The following NDST1 variants were observed in gnomAD, a reference collection of about 807,000 sequenced individuals.
NDST1 encodes bifunctional heparan sulfate N-deacetylase/N-sulfotransferase 1.
In NDST1, 35 loss-of-function variants were observed where a neutral mutation model predicts 92.8. The observed-to-expected ratio is 0.38, with a 90% CI of 0.29 to 0.50. NDST1 has a LOEUF of 0.50. Among genes scored for constraint, NDST1 ranks in the 20% least tolerant of loss-of-function variants. The pLI, the probability that NDST1 is intolerant of heterozygous loss-of-function variation, is 0.94. For synonymous variants in NDST1, 493 were observed against 500.3 expected (o/e 0.99, Z 0.19); for missense variants, 822 against 1,182.7 (o/e 0.69, Z 4.47).
intron 2 of NDST1, among the ~76,000 whole-genome samples, chr5:150,525,287 C>T (rs1429197329): frequency 6.6e-6 from 1 of 152,244 alleles, no homozygotes; most frequent in Non-Finnish European, 1.5e-5. Flanking sequence ...GGCTTCCTCC[C>T]TTCCTGGATG....
At chr5:150,529,261 G>T (rs2151280382) in intron 3 of NDST1, among the ~76,000 whole-genome samples, 1 of 151,968 alleles carries the variant, frequency 6.6e-6, no homozygotes, top group East Asian at 1.9e-4. Flanking sequence ...TGTGGTGGTA[G>T]TAGTCCTGTA....
At position 150,548,212 on chromosome 5, in the gene NDST1, C is replaced by T. The variant is rs1581409920; in HGVS notation, c.2146-6C>T. 3 of 1,614,174 alleles carry T rather than the reference C, an allele frequency of 1.9e-6. No individual in the cohort carries two copies. The highest frequency in any genetic ancestry group is 2.5e-6 in the Non-Finnish European group (3 of 1,180,018). Reference sequence around the variant, plus strand: ...TGGCATGCTGACCCTCTTTCCTTGCCTGCAGCACCAGCGAGCCCATGACGA... The same window carrying T: ...TGGCATGCTGACCCTCTTTCCTTGCTTGCAGCACCAGCGAGCCCATGACGA... On this transcript the variant is annotated splice_region_variant and splice_polypyrimidine_tract_variant and intron_variant, in intron 11 of 14. Transcript: ENST00000261797.
chr5:150,521,992 G>C lies in NDST1; in HGVS notation c.513+225G>C, dbSNP rs1272337591. Among the ~76,000 whole-genome samples the C allele has an allele frequency of 6.6e-6, 1 of 152,180 alleles. No homozygotes were observed. The highest frequency in any genetic ancestry group is 1.5e-5 in the Non-Finnish European group (1 of 68,026). ...GTGCCAGGGGGATCGCCTGCTGTGC[G>C]TGGGGTCCAGCACACAGCAGGTGCT... On this transcript the variant is annotated intron_variant, in intron 2 of 14. Transcript: ENST00000261797. The surrounding 1 kb of genome is among the most constrained non-coding windows in gnomAD (Gnocchi z 5.9).
rs542051795 is a variant in NDST1, at chr5:150,519,886, C to T, written c.-387-982C>T. Among the ~76,000 whole-genome samples the T allele has an allele frequency of 6.6e-5, 10 of 152,144 alleles. No homozygotes were observed. In the East Asian group the frequency reaches 1.9e-3, roughly 29 times the overall value. ...GTGAGATGAGTATAGGAGGCGTGGC[C>T]TGGGTGCAGGCGGTGCGGGGGGTTC... On this transcript the variant is annotated intron_variant, in intron 1 of 14. Transcript: ENST00000261797.
chr5:150,500,128 C>T (rs1753167489), intron 1 of NDST1, among the ~76,000 whole-genome samples: 1 of 152,230 alleles, frequency 6.6e-6, no homozygotes, highest in Non-Finnish European at 1.5e-5. Context: ...AAGATGTCTT[C>T]TCCTGGAAGA....
rs1755872607 is a variant in NDST1 at position 150,556,508 on chromosome 5, CAAT to C, written c.*3177_*3179del. 6.6e-6 allele frequency: 1 copy of C among 152,218 alleles called. No homozygotes were observed. Among genetic ancestry groups the C allele is most frequent in the South Asian group, 2.1e-4 (1 of 4,836 alleles). The allele number at this position is 152,218 out of a possible 1,614,324, so 9.4% of individuals were successfully genotyped here. On this transcript the variant is annotated 3_prime_UTR_variant, in exon 15 of 15. Coordinates refer to ENST00000261797, the MANE Select transcript of NDST1 (RefSeq NM_001543.5). ...TTGTTAGTGGGAAAAGCAAATACAA[CAAT>C]GTTTTACCAAACATTTAATTATGAA...
chr5:150,545,223 C>T, intron 10 of NDST1, 89 bp from the exon 11 acceptor site: 10 of 1,469,512 alleles, frequency 6.8e-6, no homozygotes, highest in Non-Finnish European at 8.6e-6. Flanking sequence ...TGAGGACATT[C>T]TACCCCAGTG....
chr5:150,519,469 A>G (rs1443318131), intron 1 of NDST1, among the ~76,000 whole-genome samples: 1 of 152,106 alleles, frequency 6.6e-6, no homozygotes, highest in Non-Finnish European at 1.5e-5. Context: ...GCACTTTGGG[A>G]GGCCAAGGCC....
At chr5:150,550,098 G>A (rs199551382) in intron 13 of NDST1, among the ~76,000 whole-genome samples, 2 of 144,242 alleles carry the variant, frequency 1.4e-5, no homozygotes, top group East Asian at 4.3e-4. Context: ...GATTTTCTTA[G>A]CATTAGCTTT....
chr5:150,549,046 C>G (rs951008566), intron 12 of NDST1, among the ~76,000 whole-genome samples: 1 of 152,186 alleles, frequency 6.6e-6, no homozygotes, highest in African/African-American at 2.4e-5. Flanking sequence ...GAGTCTCGCT[C>G]TGTCTCCCAG....
intron 3 of NDST1, among the ~76,000 whole-genome samples, chr5:150,528,603 C>T (rs897975904): frequency 6.6e-6 from 1 of 151,878 alleles, no homozygotes; most frequent in Non-Finnish European, 1.5e-5. Flanking sequence ...CCAGCCTGGC[C>T]AACACAGCGA....
intron 5 of NDST1, 31 bp from the exon 6 acceptor site, chr5:150,535,669 G>C: frequency 6.2e-7 from 1 of 1,613,636 alleles, no homozygotes. Flanking sequence ...GGACCCCTAT[G>C]CTCACCCTGG....
rs756756360 is a variant in NDST1 at position 150,549,781 on chromosome 5, C to A, written c.2420C>A (p.Thr807Asn). The A allele has an allele frequency of 1.2e-6, 2 of 1,604,532 alleles. No homozygotes were observed. The highest frequency in any genetic ancestry group is 3.3e-5 in the Admixed American group (2 of 60,010). ...ACCAACACCATTGACTACCACAAAA[C>A]CTTGGCGTGAGTGTTGCCTTTTCCT... ...GVTNTIDYHK[T>N]LAFDPKKGFW... Residue 807 changes from threonine to asparagine, a missense_variant, in exon 13 of 15, where the codon ACC (threonine) becomes AAC (asparagine). Coordinates refer to ENST00000261797, the MANE Select transcript of NDST1 (RefSeq NM_001543.5).
At chr5:150,534,311 C>A (rs1187340044) in intron 4 of NDST1, among the ~76,000 whole-genome samples, 1 of 151,972 alleles carries the variant, frequency 6.6e-6, no homozygotes, top group Admixed American at 6.5e-5. Flanking sequence ...ACTATGTTGC[C>A]TAGGCTGGTC....
intron 3 of NDST1, among the ~76,000 whole-genome samples, chr5:150,531,896 C>T (rs889447676): frequency 2.0e-5 from 3 of 152,226 alleles, no homozygotes; most frequent in Non-Finnish European, 4.4e-5. Context: ...CCCTCATTGA[C>T]TCGAAGAGTA....
chr5:150,535,418 C>T, intron 5 of NDST1: 1 of 982,464 alleles, frequency 1.0e-6, no homozygotes, highest in Non-Finnish European at 1.2e-6. Flanking sequence ...GTCCTTGTCC[C>T]TCACTACAGG....
chr5:150,544,786 A>C (rs1340812637), intron 10 of NDST1, among the ~76,000 whole-genome samples: 1 of 151,962 alleles, frequency 6.6e-6, no homozygotes, highest in Non-Finnish European at 1.5e-5. Flanking sequence ...CAGGCTGGGG[A>C]GGGGTTGTGG....
rs1042924128 is a variant in NDST1, at chr5:150,553,085, C to T, written c.2530-128C>T. 2.2e-6 allele frequency: 2 copies of T among 928,686 alleles called. No homozygotes were observed. The highest frequency in any genetic ancestry group is 1.8e-5 in the Admixed American group (1 of 55,084). 57.5% of individuals were successfully genotyped at this position (928,686 alleles called of 1,614,324 possible). A position where few individuals can be genotyped will look rare whatever the true frequency, so the allele number is the denominator to read the frequency against. On this transcript the variant is annotated intron_variant, in intron 14 of 14. Transcript: ENST00000261797. This position sits in a 1 kb window ranked among gnomAD's most constrained non-coding sequence, Gnocchi z 4.2. ...TGAACTCCTGACCTCAGGTGATCCA[C>T]ATGCCTCGGCCTCCCAAAGTGCTGG...
chr5:150,529,607 C>T (rs983467591), intron 3 of NDST1, among the ~76,000 whole-genome samples: 7 of 152,078 alleles, frequency 4.6e-5, no homozygotes, highest in South Asian at 4.1e-4. Flanking sequence ...ATAGGAAATC[C>T]GGATCAGTTG....
Sources: gnomAD v4.1 joint callset for allele counts (sites outside exome capture counted in the v4.1 genomes callset) on GRCh38, gnomAD v4.1.1 for gene constraint, Gnocchi (gnomAD v3.1) non-coding constraint, MANE v1.5 for transcripts, NCBI Gene and HGNC (gene_info 2026-07-23, HGNC 2026-07-21) for gene names.